Variants in CYP4X1 observed in about 807,000 individuals in gnomAD.
CYP4X1 encodes cytochrome P450 family 4 subfamily X member 1.
A neutral mutation model predicts 57.9 loss-of-function variants in CYP4X1; 44 were observed. The observed-to-expected ratio is 0.76, with a 90% CI of 0.60 to 0.98. CYP4X1 has a LOEUF of 0.98. Ranked by LOEUF, CYP4X1 falls within the 50% of genes least tolerant of loss-of-function variation. The probability of loss-of-function intolerance (pLI) is 0.00; values close to 1 mark genes in which losing one functional copy is unlikely to be tolerated. For synonymous variants in CYP4X1, 227 were observed against 228.6 expected (o/e 0.99, Z 0.06); for missense variants, 532 against 623.9 (o/e 0.85, Z 1.57).
At chr1:47,045,864 C>T (rs1175692489) in intron 8 of CYP4X1, among the ~76,000 whole-genome samples, 1 of 152,200 alleles carries the variant, frequency 6.6e-6, no homozygotes. Context: ...CCAGAGCTTT[C>T]CCTCTTGCCA....
At chr1:47,023,163 T>G (rs1347271181), upstream of CYP4X1, among the ~76,000 whole-genome samples, 3 of 152,206 alleles carry the variant, frequency 2.0e-5, no homozygotes, top group African/African-American at 7.2e-5. Context: ...GATTCATAAA[T>G]TATATAGCAG....
At chr1:47,008,122 CA>C in the CYP4X1 span, among the ~76,000 whole-genome samples, 2 of 152,122 alleles carry the variant, frequency 1.3e-5, no homozygotes, top group Non-Finnish European at 2.9e-5. Context: ...ACATAATTGT[CA>C]GATTCACCAA....
intron 1 of CYP4X1, among the ~76,000 whole-genome samples, chr1:47,027,837 T>C (rs1644086315): frequency 6.6e-6 from 1 of 152,206 alleles, no homozygotes; most frequent in Admixed American, 6.5e-5. Context: ...TAGTACTCTC[T>C]ATCTCCAACC....
At chr1:47,020,553 C>T (rs1321576041), upstream of CYP4X1, among the ~76,000 whole-genome samples, 1 of 152,232 alleles carries the variant, frequency 6.6e-6, no homozygotes, top group Non-Finnish European at 1.5e-5. Flanking sequence ...ACCCTTGTCT[C>T]CCCAGTGCAT....
chr1:47,030,848 G>T (rs192751018), intron 2 of CYP4X1, among the ~76,000 whole-genome samples: 73 of 152,178 alleles, frequency 4.8e-4, no homozygotes, highest in Non-Finnish European at 8.4e-4. Context: ...CAGTCCCCCT[G>T]CTCTGATTTG....
chr1:46,992,497 A>G, the CYP4X1 span, among the ~76,000 whole-genome samples: 3 of 152,258 alleles, frequency 2.0e-5, no homozygotes, highest in African/African-American at 7.2e-5. Flanking sequence ...AAGCGGACTT[A>G]TTACAGTATT....
chr1:46,967,475 G>A, the CYP4X1 span, among the ~76,000 whole-genome samples: 9 of 152,114 alleles, frequency 5.9e-5, no homozygotes, highest in African/African-American at 2.2e-4. Flanking sequence ...TGTGATGCAG[G>A]TAGGCAGGAG....
chr1:47,045,466 T>C (rs1200837544), intron 8 of CYP4X1, among the ~76,000 whole-genome samples: 1 of 152,214 alleles, frequency 6.6e-6, no homozygotes, highest in Non-Finnish European at 1.5e-5. Flanking sequence ...CAATCTTAGG[T>C]CAGTAATTAA....
the CYP4X1 span, among the ~76,000 whole-genome samples, chr1:46,962,481 A>G: frequency 1.3e-5 from 2 of 152,216 alleles, no homozygotes; most frequent in Non-Finnish European, 2.9e-5. Flanking sequence ...TGACTAGTTA[A>G]AAAGTAACCA....
intron 8 of CYP4X1, among the ~76,000 whole-genome samples, chr1:47,043,367 T>C (rs1644267967): frequency 6.6e-6 from 1 of 152,208 alleles, no homozygotes; most frequent in East Asian, 1.9e-4. Context: ...CTTTGTTGGA[T>C]GTGTAGGTTG....
intron 1 of CYP4X1, 103 bp downstream of exon 1, chr1:47,024,097 G>T (rs1569602432): frequency 3.5e-6 from 5 of 1,421,344 alleles, no homozygotes; most frequent in South Asian, 1.4e-5. Flanking sequence ...CATCCCTGGG[G>T]ACCCTCCGGC....
the CYP4X1 span, among the ~76,000 whole-genome samples, chr1:47,007,094 C>T: frequency 1.1e-4 from 17 of 152,318 alleles, no homozygotes; most frequent in Admixed American, 6.5e-4. Flanking sequence ...TCTCCCAGCA[C>T]GCAGCTGGAG....
chr1:47,041,872 C>A (rs1644249807), intron 8 of CYP4X1, among the ~76,000 whole-genome samples: 1 of 151,936 alleles, frequency 6.6e-6, no homozygotes, highest in African/African-American at 2.4e-5. Context: ...TATCAAGAAG[C>A]TTTTCTCTAT....
chr1:47,009,076 C>T, the CYP4X1 span, among the ~76,000 whole-genome samples: 20 of 152,318 alleles, frequency 1.3e-4, no homozygotes, highest in African/African-American at 4.6e-4. Flanking sequence ...ATCTAATAGA[C>T]ATCTACAGAA....
chr1:47,023,990 A>G lies in CYP4X1; in HGVS notation c.173A>G (p.Gln58Arg). The G allele has an allele frequency of 6.2e-7, 1 of 1,612,210 alleles. No individual in the cohort carries two copies. Among genetic ancestry groups the G allele is most frequent in the South Asian group, 1.1e-5 (1 of 90,930 alleles). ...CCCACCCACTGGTTCCTTGGGCACC[A>G]GAAGGTAGATGGGAGGGAGGAGGGA... is the stretch of plus-strand genomic sequence containing the variant. ...APPTHWFLGHQKFIQDDNMEK... is the reference protein window; with the variant it reads ...APPTHWFLGHRKFIQDDNMEK... The change falls in exon 1 of 12, where the codon CAG becomes CGG. Residue 58 changes from glutamine (Q) to arginine (R), a missense_variant. Physicochemically the swap from Gln to Arg is conservative, Grantham distance 43. Coordinates refer to ENST00000371901, the MANE Select transcript of CYP4X1 (RefSeq NM_178033.2).
the CYP4X1 span, among the ~76,000 whole-genome samples, chr1:46,975,858 C>G: frequency 2.6e-5 from 4 of 151,968 alleles, no homozygotes; most frequent in African/African-American, 9.7e-5. Flanking sequence ...TTTTGTTCAT[C>G]AAAAAAATTT....
chr1:47,020,368 T>C (rs1220548878), upstream of CYP4X1, among the ~76,000 whole-genome samples: 1 of 152,236 alleles, frequency 6.6e-6, no homozygotes, highest in Non-Finnish European at 1.5e-5. Context: ...TCAATAAATA[T>C]TCACTCAGTA....
chr1:46,977,743 T>C, the CYP4X1 span, among the ~76,000 whole-genome samples: 1 of 151,616 alleles, frequency 6.6e-6, no homozygotes, highest in East Asian at 1.9e-4. Flanking sequence ...GGGTTACCAA[T>C]AAAGGGAAGC....
the CYP4X1 span, among the ~76,000 whole-genome samples, chr1:46,988,407 A>T: frequency 5.7e-3 from 869 of 152,206 alleles, 8 homozygotes; most frequent in Middle Eastern, 0.014. Context: ...GCCTACCAAT[A>T]AAAAAAGTCC....
Sources: gnomAD v4.1 joint callset for allele counts (sites outside exome capture counted in the v4.1 genomes callset) on GRCh38, gnomAD v4.1.1 for gene constraint, MANE v1.5 for transcripts, NCBI Gene and HGNC (gene_info 2026-07-23, HGNC 2026-07-21) for gene names.